The following DOCK1 variants were observed in gnomAD, a reference collection of about 807,000 sequenced individuals.
The protein encoded by DOCK1 is dedicator of cytokinesis protein 1.
Under a neutral mutation model 262.7 loss-of-function variants are expected in DOCK1, and 138 were observed. That is an observed-to-expected ratio of 0.53 (90% confidence interval 0.46 to 0.61). The LOEUF is 0.61. Among genes scored for constraint, DOCK1 ranks in the 20% least tolerant of loss-of-function variants. The pLI, the probability that DOCK1 is intolerant of heterozygous loss-of-function variation, is 0.00. For synonymous variants in DOCK1, 866 were observed against 867.4 expected (o/e 1.00, Z 0.03); for missense variants, 1,908 against 2,370.7 (o/e 0.80, Z 4.05).
At chr10:127,421,433 TTATG>T (rs2068503142) in intron 46 of DOCK1, among the ~76,000 whole-genome samples, 1 of 152,202 alleles carries the variant, frequency 6.6e-6, no homozygotes, top group Non-Finnish European at 1.5e-5. Context: ...ATAATATACA[TTATG>T]TATATATTAT....
chr10:127,387,678 A>G (rs1033136102), intron 38 of DOCK1, among the ~76,000 whole-genome samples: 3 of 152,160 alleles, frequency 2.0e-5, no homozygotes, highest in African/African-American at 7.2e-5. Flanking sequence ...CCCACCATGC[A>G]TCTAATGCTC....
chr10:127,018,619 A>G (rs2042183822), intron 12 of DOCK1, 91 bp from the exon 13 acceptor site: 3 of 1,578,022 alleles, frequency 1.9e-6, no homozygotes, highest in Non-Finnish European at 8.7e-7. Flanking sequence ...TTGTGAATTA[A>G]AAGTCTCTCA....
At chr10:127,290,981 A>T (rs2061328474) in intron 29 of DOCK1, among the ~76,000 whole-genome samples, 2 of 152,276 alleles carry the variant, frequency 1.3e-5, no homozygotes, top group African/African-American at 2.4e-5. Context: ...TTGCATGTTT[A>T]GTTTTGTAAA....
At chr10:126,952,383 G>T (rs1294470440) in intron 1 of DOCK1, among the ~76,000 whole-genome samples, 1 of 151,218 alleles carries the variant, frequency 6.6e-6, no homozygotes, top group Non-Finnish European at 1.5e-5. Context: ...ATTGTTGGTA[G>T]TGTTGGTGAT....
chr10:126,958,284 T>A (rs1177056944), intron 1 of DOCK1, among the ~76,000 whole-genome samples: 4 of 152,214 alleles, frequency 2.6e-5, no homozygotes, highest in Non-Finnish European at 5.9e-5. Flanking sequence ...GGTGTTGAAC[T>A]TTTTTCTGTA....
At chr10:127,167,497 G>A (rs962494259) in intron 27 of DOCK1, among the ~76,000 whole-genome samples, 51 of 152,216 alleles carry the variant, frequency 3.4e-4, no homozygotes, top group African/African-American at 1.1e-3. Context: ...GATCTGCAGC[G>A]AGGTTCCCCC....
At chr10:127,361,051 TCTTTAA>T (rs1565024025) in intron 32 of DOCK1, among the ~76,000 whole-genome samples, 1 of 151,960 alleles carries the variant, frequency 6.6e-6, no homozygotes, top group East Asian at 2.0e-4. Flanking sequence ...TTTTCTGAGT[TCTTTAA>T]AAATCATATC....
chr10:127,351,578 C>T (rs2063883340), intron 31 of DOCK1, among the ~76,000 whole-genome samples: 1 of 152,114 alleles, frequency 6.6e-6, no homozygotes, highest in East Asian at 1.9e-4. Context: ...TGCTTCTCTC[C>T]TGTATGACTA....
intron 27 of DOCK1, among the ~76,000 whole-genome samples, chr10:127,156,489 C>T (rs917956115): frequency 5.3e-5 from 8 of 151,200 alleles, no homozygotes; most frequent in African/African-American, 1.5e-4. Flanking sequence ...TAAGAAATTG[C>T]TTTTCTGAAT....
chr10:127,331,831 A>G (rs1045442324), intron 29 of DOCK1, among the ~76,000 whole-genome samples: 1 of 152,142 alleles, frequency 6.6e-6, no homozygotes, highest in Non-Finnish European at 1.5e-5. Context: ...TATGCATCCC[A>G]AAGCCTCCAT....
At chr10:127,190,607 T>G (rs2056652610) in intron 27 of DOCK1, among the ~76,000 whole-genome samples, 2 of 147,040 alleles carry the variant, frequency 1.4e-5, no homozygotes, top group South Asian at 2.2e-4. Flanking sequence ...AAACTTATTT[T>G]TTAAATAATA....
intron 31 of DOCK1, among the ~76,000 whole-genome samples, chr10:127,350,486 A>T (rs1235438235): frequency 2.0e-5 from 3 of 152,122 alleles, no homozygotes; most frequent in Non-Finnish European, 4.4e-5. Context: ...CTCAGAGCAA[A>T]TATTATTGTC....
chr10:127,005,296 C>T (rs1183407770), intron 10 of DOCK1, among the ~76,000 whole-genome samples: 1 of 151,714 alleles, frequency 6.6e-6, no homozygotes, highest in African/African-American at 2.4e-5. Flanking sequence ...TGTACCACTG[C>T]ACTTCAGCCT....
Position 127,229,323 on chromosome 10 carries a change from G to A in DOCK1, c.2848-18685G>A, listed in dbSNP as rs150423307. Among the ~76,000 whole-genome samples the A allele has an allele frequency of 6.3e-3, 962 of 152,312 alleles. 12 individuals are homozygous for A. The highest frequency in any genetic ancestry group is 0.021 in the African/African-American group (893 of 41,558). On this transcript the variant is annotated intron_variant, in intron 27 of 51. Transcript: ENST00000623213. ...TGCTATTAACTGAAGTCACCGTGAT[G>A]TAGACTTCTTGAACTTATTCTGCCT...
chr10:127,000,192 G>C lies in DOCK1; in HGVS notation c.870G>C (p.Leu290=), dbSNP rs374911005. Residue 290 remains leucine (L), a synonymous_variant, in exon 10 of 52, where the codon CTG becomes CTC. Transcript: ENST00000623213. ...AVFTDLGSKD[L]KREKISFVCQ... ...TCTAGGACCTCGGAAGCAAAGACCT[G>C]AAAAGGGAGAAAATCAGTTTTGTCT... 14 of 1,614,004 alleles carry C rather than the reference G, an allele frequency of 8.7e-6. No homozygotes were observed. In the African/African-American group the frequency reaches 1.6e-4, roughly 18 times the overall value.
chr10:127,365,075 A>G (rs2064829418), intron 33 of DOCK1, among the ~76,000 whole-genome samples: 1 of 152,156 alleles, frequency 6.6e-6, no homozygotes, highest in South Asian at 2.1e-4. Flanking sequence ...TCTGTTTGAT[A>G]ATATATCAAG....
intron 33 of DOCK1, among the ~76,000 whole-genome samples, chr10:127,369,250 C>T (rs2065083141): frequency 6.6e-6 from 1 of 152,132 alleles, no homozygotes. Context: ...GCAATTCTAT[C>T]TTGTGTATTC....
intron 1 of DOCK1, among the ~76,000 whole-genome samples, chr10:126,910,470 C>G (rs1206112572): frequency 6.6e-6 from 1 of 152,172 alleles, no homozygotes; most frequent in Non-Finnish European, 1.5e-5. Context: ...CACCCTCCTT[C>G]CCTCCCTCCC....
chr10:127,297,509 G>A, intron 29 of DOCK1, among the ~76,000 whole-genome samples: 1 of 148,394 alleles, frequency 6.7e-6, no homozygotes, highest in African/African-American at 2.6e-5. Context: ...AAGGAGGAGA[G>A]GAGAACCAGG....
Sources: gnomAD v4.1 joint callset for allele counts (sites outside exome capture counted in the v4.1 genomes callset) on GRCh38, gnomAD v4.1.1 for gene constraint, MANE v1.5 for transcripts, NCBI Gene and HGNC (gene_info 2026-07-23, HGNC 2026-07-21) for gene names.